Variants in CYP2J2 observed in about 807,000 individuals in gnomAD.
The protein encoded by CYP2J2 is cytochrome P450 family 2 subfamily J member 2, also known as cytochrome P450 2J2.
Under a neutral mutation model 48.8 loss-of-function variants are expected in CYP2J2, and 41 were observed. The observed-to-expected ratio is 0.84, with a 90% confidence interval of 0.66 to 1.09. The LOEUF (loss-of-function observed/expected upper bound fraction) is 1.09. CYP2J2 is among the 50% of genes least tolerant of loss of function. The probability of loss-of-function intolerance (pLI) is 0.00; values close to 1 mark genes in which losing one functional copy is unlikely to be tolerated. For missense variants in CYP2J2, 644 were observed against 617.3 expected (o/e 1.04, Z -0.46); for synonymous variants, 221 against 227.1 (o/e 0.97, Z 0.24).
At chr1:59,944,626 G>A in the CYP2J2 span, among the ~76,000 whole-genome samples, 2 of 152,180 alleles carry the variant, frequency 1.3e-5, no homozygotes, top group Non-Finnish European at 2.9e-5. Context: ...GGATTTCCTT[G>A]CCAAGAGTCT....
At chr1:59,962,994 T>A in the CYP2J2 span, among the ~76,000 whole-genome samples, 1 of 152,218 alleles carries the variant, frequency 6.6e-6, no homozygotes, top group Admixed American at 6.5e-5. Flanking sequence ...TTAATGCTTA[T>A]GTATTATAAA....
intron 8 of CYP2J2, among the ~76,000 whole-genome samples, chr1:59,899,712 G>A (rs1383685015): frequency 6.6e-6 from 1 of 152,088 alleles, no homozygotes; most frequent in African/African-American, 2.4e-5. Flanking sequence ...TTCTATACTT[G>A]GTTAAGCCTC....
the CYP2J2 span, among the ~76,000 whole-genome samples, chr1:59,941,979 C>T: frequency 6.6e-6 from 1 of 152,126 alleles, no homozygotes; most frequent in African/African-American, 2.4e-5. Context: ...TAGGTCTTCA[C>T]ATTCACTCTC....
rs757290267 is a variant in CYP2J2 at position 59,926,738 on chromosome 1, C to T, written c.9G>A (p.Ala3=). ML[A]AMGSLAAALW... ...GGGCAGCCGCCAGAGAGCCCATCGC[C>T]GCGAGCATGGCTCAGACGTCCTCCT... Residue 3 remains alanine, a synonymous_variant, in exon 1 of 9, where the codon GCG becomes GCA. Transcript: ENST00000371204. 7.4e-6 allele frequency: 12 copies of T among 1,612,890 alleles called. No homozygotes were observed. Among genetic ancestry groups the T allele is most frequent in the South Asian group, 3.3e-5 (3 of 91,006 alleles).
the CYP2J2 span, among the ~76,000 whole-genome samples, chr1:59,954,297 TTTAAC>T: frequency 6.6e-6 from 1 of 152,170 alleles, no homozygotes; most frequent in African/African-American, 2.4e-5. Flanking sequence ...CAAATACACA[TTTAAC>T]TTGTTTTACA....
chr1:59,905,892 T>G (rs1644360647), intron 6 of CYP2J2, among the ~76,000 whole-genome samples: 1 of 152,198 alleles, frequency 6.6e-6, no homozygotes, highest in South Asian at 2.1e-4. Context: ...GCTGGAGACC[T>G]GACTGCCCAG....
the CYP2J2 span, among the ~76,000 whole-genome samples, chr1:59,967,702 C>A: frequency 6.6e-6 from 1 of 152,254 alleles, no homozygotes; most frequent in Non-Finnish European, 1.5e-5. Context: ...GGGAGCGCAG[C>A]TCATTTCATG....
intron 6 of CYP2J2, 84 bp downstream of exon 6, chr1:59,907,702 C>T (rs2102118180): frequency 1.4e-6 from 2 of 1,456,746 alleles, no homozygotes; most frequent in East Asian, 2.3e-5. Flanking sequence ...TCCTACAATG[C>T]TATCTTCTGG....
chr1:59,912,401 CAGG>C, intron 2 of CYP2J2, 90 bp from the exon 3 acceptor site: 1 of 1,404,340 alleles, frequency 7.1e-7, no homozygotes, highest in South Asian at 1.4e-5. Flanking sequence ...AGATGAAGGA[CAGG>C]AGAAGATCAT....
the CYP2J2 span, among the ~76,000 whole-genome samples, chr1:59,940,529 A>G: frequency 6.6e-6 from 1 of 152,196 alleles, no homozygotes; most frequent in African/African-American, 2.4e-5. Flanking sequence ...TAATAGTACA[A>G]CCTTTAGGGA....
the CYP2J2 span, among the ~76,000 whole-genome samples, chr1:59,932,212 C>G: frequency 6.6e-6 from 1 of 152,106 alleles, no homozygotes; most frequent in East Asian, 1.9e-4. Context: ...CTAATCTATA[C>G]AGGTATGTTT....
At chr1:59,911,463 T>C in intron 4 of CYP2J2, 145 bp downstream of exon 4, 1 of 570,216 alleles carries the variant, frequency 1.8e-6, no homozygotes, top group Non-Finnish European at 3.0e-6. Context: ...AATAGATTTA[T>C]TTCAAATAAG....
chr1:59,961,685 T>A, the CYP2J2 span, among the ~76,000 whole-genome samples: 1 of 152,166 alleles, frequency 6.6e-6, no homozygotes, highest in African/African-American at 2.4e-5. Context: ...CATAGAGGCA[T>A]TATTCAGAGT....
the CYP2J2 span, among the ~76,000 whole-genome samples, chr1:59,954,529 A>G: frequency 1.3e-5 from 2 of 151,306 alleles, no homozygotes; most frequent in East Asian, 3.9e-4. Context: ...GAAGGGGAGA[A>G]ATCATCTAAG....
the CYP2J2 span, among the ~76,000 whole-genome samples, chr1:59,955,880 C>T: frequency 1.3e-5 from 2 of 151,942 alleles, no homozygotes; most frequent in East Asian, 3.9e-4. Flanking sequence ...TGGAAAAATG[C>T]TATAAAGGAC....
At chr1:59,906,962 C>G (rs1644370193) in intron 6 of CYP2J2, among the ~76,000 whole-genome samples, 1 of 152,130 alleles carries the variant, frequency 6.6e-6, no homozygotes, top group Non-Finnish European at 1.5e-5. Flanking sequence ...CATTAATAAA[C>G]AGTTACCCAC....
At chr1:59,934,819 A>G in the CYP2J2 span, among the ~76,000 whole-genome samples, 3 of 151,264 alleles carry the variant, frequency 2.0e-5, no homozygotes, top group Non-Finnish European at 3.0e-5. Flanking sequence ...TAAAAATAGG[A>G]TTACCATATG....
chr1:59,952,823 C>A, the CYP2J2 span, among the ~76,000 whole-genome samples: 1 of 152,278 alleles, frequency 6.6e-6, no homozygotes, highest in East Asian at 1.9e-4. Context: ...TAGCAGCCAG[C>A]AAGGCATGGT....
chr1:59,967,662 C>A, the CYP2J2 span, among the ~76,000 whole-genome samples: 2 of 152,224 alleles, frequency 1.3e-5, no homozygotes, highest in Non-Finnish European at 2.9e-5. Context: ...ACACACTCAG[C>A]AAAGCCTCTG....
Sources: gnomAD v4.1 joint callset for allele counts (sites outside exome capture counted in the v4.1 genomes callset) on GRCh38, gnomAD v4.1.1 for gene constraint, MANE v1.5 for transcripts, NCBI Gene and HGNC (gene_info 2026-07-23, HGNC 2026-07-21) for gene names.